Variants in USP35 observed in about 807,000 individuals in gnomAD.
The protein encoded by USP35 is ubiquitin specific peptidase 35, also known as ubiquitin carboxyl-terminal hydrolase 35.
USP35 carries 69 observed loss-of-function variants against 83.8 expected under a neutral mutation model. The observed-to-expected ratio is 0.82, with a 90% CI of 0.68 to 1.01. The LOEUF (loss-of-function observed/expected upper bound fraction) is 1.01, where lower values mean the gene tolerates loss of function less well. Among genes scored for constraint, USP35 ranks in the 50% least tolerant of loss-of-function variants. The pLI is 0.00. For synonymous variants in USP35, 714 were observed against 589.5 expected (o/e 1.21, Z -3.06); for missense variants, 1,503 against 1,362.5 (o/e 1.10, Z -1.62).
At chr11:78,229,106 G>C in the USP35 span, among the ~76,000 whole-genome samples, 1 of 152,196 alleles carries the variant, frequency 6.6e-6, no homozygotes, top group Non-Finnish European at 1.5e-5. Flanking sequence ...GTAGGGGTGA[G>C]TATGTAGCTG....
chr11:78,211,298 G>C (rs746586131), intron 10 of USP35, among the ~76,000 whole-genome samples: 1 of 152,096 alleles, frequency 6.6e-6, no homozygotes, highest in Non-Finnish European at 1.5e-5. Context: ...CCTTTTTATG[G>C]ATGCATAGTA....
At chr11:78,233,813 C>G in the USP35 span, among the ~76,000 whole-genome samples, 1 of 152,170 alleles carries the variant, frequency 6.6e-6, no homozygotes, top group South Asian at 2.1e-4. Flanking sequence ...GGGGCTTCAC[C>G]ATATTGGCCA....
Position 78,200,705 on chromosome 11 carries a change from C to T in USP35, c.1094C>T (p.Ser365Leu), listed in dbSNP as rs756113726. 21 of 1,613,972 alleles carry T rather than the reference C, an allele frequency of 1.3e-5. No homozygotes were observed. The East Asian group carries it at 1.3e-4, about 10-fold the overall frequency. The part of the protein sequence containing the change: ...VASLVKEDSN[S>L]GTSCLEQLAE... Reference sequence around the variant, plus strand: ...TCTCTGGTCAAGGAGGACTCGAACTCGGGGACCAGCTGCCTGGAGCAGCTG... The same window carrying T: ...TCTCTGGTCAAGGAGGACTCGAACTTGGGGACCAGCTGCCTGGAGCAGCTG... The change falls in exon 6 of 11, where the codon TCG (serine) becomes TTG (leucine). Residue 365 changes from serine (S) to leucine (L), a missense_variant. By Grantham distance (145) the Ser-to-Leu change is moderately radical (BLOSUM62 -2). Coordinates refer to ENST00000529308, the MANE Select transcript of USP35 (RefSeq NM_020798.4).
chr11:78,225,211 G>A, the USP35 span: 1 of 1,580,272 alleles, frequency 6.3e-7, no homozygotes, highest in Non-Finnish European at 8.7e-7. Flanking sequence ...AGCTGACAGA[G>A]GAAGGAGGAT....
chr11:78,209,913 G>A lies in USP35; in HGVS notation c.2058G>A (p.Glu686=). ...AGAGGGAGGAAGAAGGGAAGGAGGA[G>A]AGAACGGAGAAGGAAGAAGTGGGGG... ...RIEREEEGKE[E]RTEKEEVGEE... The change falls in exon 10 of 11, where the codon GAG becomes GAA. Residue 686 remains glutamate (E), a synonymous_variant. Coordinates refer to ENST00000529308, the MANE Select transcript of USP35 (RefSeq NM_020798.4). 6.2e-7 allele frequency: 1 copy of A among 1,600,530 alleles called. No individual in the cohort carries two copies. Among genetic ancestry groups the A allele is most frequent in the Non-Finnish European group, 8.5e-7 (1 of 1,172,856 alleles).
At position 78,214,453 on chromosome 11, in the gene USP35, GGCCTGAGAA is replaced by G. The variant is rs1234996221; in HGVS notation, c.*644_*652del. On this transcript the variant is annotated 3_prime_UTR_variant, in exon 11 of 11. Transcript: ENST00000529308. ...CACAGCCCCTCCACGCCTGCCTCAGGGCCTGAGAAGCCACCACTTGTATCCCCCTTGTGG... is the reference window on the plus strand; with the variant it reads ...CACAGCCCCTCCACGCCTGCCTCAGGGCCACCACTTGTATCCCCCTTGTGG... The G allele has an allele frequency of 6.8e-6, 1 of 148,118 alleles. No individual in the cohort carries two copies. Among genetic ancestry groups the G allele is most frequent in the African/African-American group, 2.5e-5 (1 of 40,434 alleles). 9.2% of individuals were successfully genotyped at this position (148,118 alleles called of 1,614,324 possible).
rs2134433475 is a variant in USP35 at position 78,214,702 on chromosome 11, C to T, written c.*889C>T. The T allele has an allele frequency of 1.3e-5, 2 of 150,292 alleles. No homozygotes were observed. The highest frequency in any genetic ancestry group is 3.8e-4 in the East Asian group (2 of 5,206). 9.3% of individuals were successfully genotyped at this position (150,292 alleles called of 1,614,324 possible). A position where few individuals can be genotyped will look rare whatever the true frequency, so the allele number is the denominator to read the frequency against. ...TGTTCATAAATAAATAAAAGTAAGC[C>T]TAAGCAAGAGATTGTTCTTCCTTGG... On this transcript the variant is annotated 3_prime_UTR_variant, in exon 11 of 11. Coordinates refer to ENST00000529308, the MANE Select transcript of USP35 (RefSeq NM_020798.4).
Position 78,213,974 on chromosome 11 carries a change from GTA to G in USP35, c.*162_*163del. On this transcript the variant is annotated 3_prime_UTR_variant, in exon 11 of 11. Coordinates refer to ENST00000529308, the MANE Select transcript of USP35 (RefSeq NM_020798.4). ...CACAGAGATTCTCTCAGATATGGAA[GTA>G]AGACCTAAGTCCCTTTCATTGGGGA... The G allele has an allele frequency of 1.3e-6, 1 of 762,726 alleles. No individual in the cohort carries two copies. Among genetic ancestry groups the G allele is most frequent in the Non-Finnish European group, 1.9e-6 (1 of 524,454 alleles). 47.2% of individuals were successfully genotyped at this position (762,726 alleles called of 1,614,324 possible).
chr11:78,212,296 A>G (rs1863814367), intron 10 of USP35, among the ~76,000 whole-genome samples: 1 of 152,218 alleles, frequency 6.6e-6, no homozygotes. Context: ...CCATTGGTCT[A>G]TGTGTCTGTT....
chr11:78,195,187 A>G (rs922134361), intron 1 of USP35, among the ~76,000 whole-genome samples: 1 of 152,192 alleles, frequency 6.6e-6, no homozygotes, highest in Admixed American at 6.5e-5. Flanking sequence ...AACTGATTCC[A>G]GCTGTAATGC....
At position 78,210,615 on chromosome 11, in the gene USP35, G is replaced by T; in HGVS notation, c.2760G>T (p.Val920=). ...TCTTCCCTAAGGACACAGCCTATGT[G>T]CTGTTTTACCGGCAGCGGCCCAGGG... The part of the protein sequence containing the change: ...TSFFPKDTAY[V]LFYRQRPREG... The change falls in exon 10 of 11, where the codon GTG becomes GTT. Residue 920 remains valine (V), a synonymous_variant. Transcript: ENST00000529308. 1 of 1,614,196 alleles carries T rather than the reference G, an allele frequency of 6.2e-7. No individual in the cohort carries two copies. The highest frequency in any genetic ancestry group is 2.2e-5 in the East Asian group (1 of 44,888).
chr11:78,213,641 CCCAGGAGCAGGAGAAGGAGG>C lies in USP35; in HGVS notation c.2890-2_2907del, dbSNP rs1863905834. 1.4e-6 allele frequency: 2 copies of C among 1,480,524 alleles called. No individual in the cohort carries two copies. Among genetic ancestry groups the C allele is most frequent in the African/African-American group, 1.5e-5 (1 of 67,758 alleles). 91.7% of individuals were successfully genotyped at this position (1,480,524 alleles called of 1,614,324 possible). ...GTCTAAGTCTCCTCTCATCTGTGTT[CCCAGGAGCAGGAGAAGGAGG>C]CCCGGAGCAGGGCGGCCTACATCTC... On this transcript the variant is annotated splice_acceptor_variant and splice_polypyrimidine_tract_variant and coding_sequence_variant and intron_variant, in exon 11 of 11. Transcript: ENST00000529308. LOFTEE classifies it high-confidence loss of function.
At position 78,197,880 on chromosome 11, in the gene USP35, T is replaced by TG. The variant is rs1863203041; in HGVS notation, c.674-51dup. ...TTGGCTCCTGCAGGGCATGGTGTGC[T>TG]GGGGGAAGGGAGGGGCCTGCCTCCC... is the stretch of plus-strand genomic sequence containing the variant. On this transcript the variant is annotated intron_variant, in intron 2 of 10. Transcript: ENST00000529308. 3 of 1,587,350 alleles carry TG rather than the reference T, an allele frequency of 1.9e-6. No homozygotes were observed. In the South Asian group the frequency reaches 3.4e-5, roughly 18 times the overall value.
chr11:78,213,519 C>A, intron 10 of USP35, 127 bp from the exon 11 acceptor site: 1 of 1,116,652 alleles, frequency 9.0e-7, no homozygotes, highest in Non-Finnish European at 1.2e-6. Flanking sequence ...CACTGAGCTG[C>A]AATGTCTCTG....
chr11:78,229,790 C>T, the USP35 span, among the ~76,000 whole-genome samples: 1 of 152,158 alleles, frequency 6.6e-6, no homozygotes, highest in Non-Finnish European at 1.5e-5. Context: ...CCCTGTGTGC[C>T]CCAGTTAGTC....
In USP35 at chr11:78,196,671, G is replaced by C; in HGVS notation, c.426G>C (p.Ala142=). Reference sequence around the variant, plus strand: ...AGCGCCCGGGCCCCGCGGCCTGCGCGCAGGTGGCACGGCTGCTGGCTCGCC... The same window carrying C: ...AGCGCCCGGGCCCCGCGGCCTGCGCCCAGGTGGCACGGCTGCTGGCTCGCC... ...VCERPGPAAC[A]QVARLLARHP... is the part of the protein sequence containing the mutation. The change falls in exon 2 of 11, where the codon GCG becomes GCC. Residue 142 remains alanine (A), a synonymous_variant. Coordinates refer to ENST00000529308, the MANE Select transcript of USP35 (RefSeq NM_020798.4). The surrounding 1 kb of genome is among the most constrained non-coding windows in gnomAD (Gnocchi z 4.8). 1.4e-6 allele frequency: 2 copies of C among 1,465,776 alleles called. No individual in the cohort carries two copies. Among genetic ancestry groups the C allele is most frequent in the Middle Eastern group, 2.4e-4 (1 of 4,140 alleles). The allele number at this position is 1,465,776 out of a possible 1,614,324, so 90.8% of individuals were successfully genotyped here. A position where few individuals can be genotyped will look rare whatever the true frequency, so the allele number is the denominator to read the frequency against.
chr11:78,205,799 C>T, intron 6 of USP35, 43 bp from the exon 7 acceptor site: 6 of 1,571,404 alleles, frequency 3.8e-6, no homozygotes, highest in South Asian at 1.2e-5. Flanking sequence ...TTGAGCTGAC[C>T]CTGGTGCCCA....
At chr11:78,234,769 T>C in the USP35 span, among the ~76,000 whole-genome samples, 1 of 151,764 alleles carries the variant, frequency 6.6e-6, no homozygotes, top group African/African-American at 2.4e-5. Flanking sequence ...AATCAAGTAA[T>C]ATAAATCCTG....
At chr11:78,199,549 T>G (rs1224192728) in intron 3 of USP35, 46 bp from the exon 4 acceptor site, 1 of 1,612,240 alleles carries the variant, frequency 6.2e-7, no homozygotes, top group Admixed American at 1.7e-5. Context: ...CACCCCAGCA[T>G]TTTGGGTGTC....
Sources: allele counts gnomAD v4.1 joint callset (sites outside exome capture counted in the v4.1 genomes callset), GRCh38; gene constraint gnomAD v4.1.1; non-coding constraint Gnocchi (gnomAD v3.1); transcripts MANE v1.5; gene names NCBI Gene and HGNC (gene_info 2026-07-23, HGNC 2026-07-21).